Variants in FNDC3B observed in about 807,000 individuals in gnomAD.
FNDC3B encodes the protein fibronectin type III domain containing 3B.
In FNDC3B, 12 loss-of-function variants were observed where a neutral mutation model predicts 151.5. That is an observed-to-expected ratio of 0.08 (90% CI 0.05 to 0.13). The LOEUF (loss-of-function observed/expected upper bound fraction) is 0.13. Ranked by LOEUF, FNDC3B falls within the 10% of genes least tolerant of loss-of-function variation. The probability of loss-of-function intolerance (pLI) is 1.00; values close to 1 mark genes in which losing one functional copy is unlikely to be tolerated. For synonymous variants in FNDC3B, 528 were observed against 549.0 expected (o/e 0.96, Z 0.54); for missense variants, 1,214 against 1,505.3 (o/e 0.81, Z 3.20).
chr3:172,176,608 G>A (rs1723606359), intron 3 of FNDC3B, among the ~76,000 whole-genome samples: 1 of 152,212 alleles, frequency 6.6e-6, no homozygotes, highest in Admixed American at 6.5e-5. Flanking sequence ...TTCTTCCTGG[G>A]ATGACAATGG....
chr3:172,227,180 G>T (rs570388739), intron 4 of FNDC3B: 5 of 381,722 alleles, frequency 1.3e-5, no homozygotes, highest in South Asian at 1.2e-4. Flanking sequence ...TGCCAAGTGG[G>T]GTTTTTATAT....
At chr3:172,162,222 A>T (rs978001505) in intron 3 of FNDC3B, among the ~76,000 whole-genome samples, 3 of 152,028 alleles carry the variant, frequency 2.0e-5, no homozygotes, top group African/African-American at 7.2e-5. Context: ...CAGGTGATCC[A>T]CCCACTTCGG....
chr3:172,397,211 C>A lies in FNDC3B; in HGVS notation c.3351C>A (p.Thr1117=). The change falls in exon 26 of 26, where the codon ACC becomes ACA. Residue 1117 remains threonine, a synonymous_variant. Coordinates refer to ENST00000415807, the MANE Select transcript of FNDC3B (RefSeq NM_022763.4). ...CATTCCAAATCTCAGGCCTCCAGAC[C>A]AACACAGACTACAGGTTCCGCGTAT... is the stretch of plus-strand genomic sequence containing the variant. ...EATFQISGLQ[T]NTDYRFRVCA... 1 of 1,614,028 alleles carries A rather than the reference C, an allele frequency of 6.2e-7. No homozygotes were observed.
chr3:172,362,311 A>C (rs1487178106), intron 22 of FNDC3B, among the ~76,000 whole-genome samples: 1 of 152,236 alleles, frequency 6.6e-6, no homozygotes, highest in Non-Finnish European at 1.5e-5. Context: ...GAGGTAGCTA[A>C]ACGGTAGCTA....
chr3:172,056,954 A>C (rs2108466115), intron 1 of FNDC3B, among the ~76,000 whole-genome samples: 2 of 152,292 alleles, frequency 1.3e-5, no homozygotes, highest in East Asian at 3.9e-4. Flanking sequence ...ATATATATCA[A>C]AAGCACCTGT....
chr3:172,194,311 T>C (rs1196802748), intron 3 of FNDC3B, among the ~76,000 whole-genome samples: 1 of 152,224 alleles, frequency 6.6e-6, no homozygotes, highest in Non-Finnish European at 1.5e-5. Flanking sequence ...TATGTGGTTC[T>C]GCTGTTTCGT....
At chr3:172,165,103 T>A (rs986571621) in intron 3 of FNDC3B, among the ~76,000 whole-genome samples, 10 of 152,238 alleles carry the variant, frequency 6.6e-5, no homozygotes, top group African/African-American at 9.6e-5. Context: ...AGTTTCAACC[T>A]CCTGGGCTCA....
chr3:172,320,004 C>T lies in FNDC3B; in HGVS notation c.1255-8948C>T, dbSNP rs1732003495. On this transcript the variant is annotated intron_variant, in intron 11 of 25. Coordinates refer to ENST00000415807, the MANE Select transcript of FNDC3B (RefSeq NM_022763.4). Reference sequence around the variant, plus strand: ...GCCACAAGCACGTGACAACTGATAACCAAATTCATGGAACTTATTTAGCAG... The same window carrying T: ...GCCACAAGCACGTGACAACTGATAATCAAATTCATGGAACTTATTTAGCAG... Among the ~76,000 whole-genome samples the T allele has an allele frequency of 2.6e-5, 4 of 152,288 alleles. No individual in the cohort carries two copies. The South Asian group carries it at 8.3e-4, about 32-fold the overall frequency.
intron 25 of FNDC3B, among the ~76,000 whole-genome samples, chr3:172,394,051 T>C (rs958175307): frequency 1.6e-5 from 2 of 124,614 alleles, no homozygotes; most frequent in African/African-American, 6.2e-5. Context: ...GAGCTTGCAG[T>C]GAGCCAAGAT....
chr3:172,302,987 A>AAAT (rs1465428798), intron 9 of FNDC3B: 1 of 147,662 alleles, frequency 6.8e-6, no homozygotes, highest in Non-Finnish European at 1.5e-5. Flanking sequence ...TCCAATATGT[A>AAAT]AATAAATTGC....
intron 3 of FNDC3B, among the ~76,000 whole-genome samples, chr3:172,145,222 A>G (rs1292425204): frequency 2.0e-5 from 3 of 152,160 alleles, no homozygotes; most frequent in African/African-American, 7.2e-5. Context: ...GCTCCCGGGT[A>G]TGTATTAGCA....
intron 2 of FNDC3B, chr3:172,126,908 A>C (rs1438052208): frequency 7.6e-6 from 3 of 392,842 alleles, no homozygotes; most frequent in Non-Finnish European, 1.6e-5. Flanking sequence ...AAGGGCTTAG[A>C]TTTCAGAACT....
At chr3:172,300,414 T>C (rs1730846037) in intron 9 of FNDC3B, among the ~76,000 whole-genome samples, 2 of 152,246 alleles carry the variant, frequency 1.3e-5, no homozygotes, top group Admixed American at 1.3e-4. Flanking sequence ...GAAACTTAAA[T>C]GTTATGAAGA....
At chr3:172,369,357 T>C (rs1376328727) in intron 23 of FNDC3B, among the ~76,000 whole-genome samples, 1 of 152,098 alleles carries the variant, frequency 6.6e-6, no homozygotes, top group Non-Finnish European at 1.5e-5. Context: ...AGTAGGAGAG[T>C]GGGAGATTGC....
At chr3:172,371,144 A>C (rs1290522457) in intron 23 of FNDC3B, among the ~76,000 whole-genome samples, 1 of 152,060 alleles carries the variant, frequency 6.6e-6, no homozygotes, top group Non-Finnish European at 1.5e-5. Flanking sequence ...AATCCATGGA[A>C]GCTCCAGTCC....
intron 3 of FNDC3B, among the ~76,000 whole-genome samples, chr3:172,141,335 T>C (rs1035776478): frequency 6.6e-6 from 1 of 152,226 alleles, no homozygotes; most frequent in Non-Finnish European, 1.5e-5. Flanking sequence ...TGTTCAGATA[T>C]GGGGTTATAG....
At chr3:172,201,608 G>A (rs756938470) in intron 3 of FNDC3B, among the ~76,000 whole-genome samples, 1 of 152,050 alleles carries the variant, frequency 6.6e-6, no homozygotes, top group African/African-American at 2.4e-5. Flanking sequence ...TCTCCTGGTG[G>A]GTATTAACTA....
At chr3:172,103,986 C>T (rs1719505586) in intron 1 of FNDC3B, among the ~76,000 whole-genome samples, 1 of 152,150 alleles carries the variant, frequency 6.6e-6, no homozygotes, top group African/African-American at 2.4e-5. Flanking sequence ...GTCTTTCTTG[C>T]ACAGCTGTAT....
intron 11 of FNDC3B, among the ~76,000 whole-genome samples, chr3:172,319,561 C>T (rs537852910): frequency 6.6e-6 from 1 of 152,166 alleles, no homozygotes; most frequent in African/African-American, 2.4e-5. Context: ...ATCATCCCAC[C>T]CACTTTTCTT....
Sources: gnomAD v4.1 joint callset for allele counts (sites outside exome capture counted in the v4.1 genomes callset) on GRCh38, gnomAD v4.1.1 for gene constraint, MANE v1.5 for transcripts, NCBI Gene and HGNC (gene_info 2026-07-23, HGNC 2026-07-21) for gene names.